FMNL2: variants seen among roughly 807,000 people sequenced by gnomAD.
FMNL2 encodes the protein formin like 2, also known as formin-like protein 2.
FMNL2 carries 51 observed loss-of-function variants against 130.2 expected under a neutral mutation model. The ratio of observed to expected loss-of-function variants is 0.39; its 90% CI spans 0.31 to 0.49. The LOEUF (loss-of-function observed/expected upper bound fraction) is 0.49, where lower values mean the gene tolerates loss of function less well. Among genes scored for constraint, FMNL2 ranks in the 20% least tolerant of loss-of-function variants. FMNL2 has a pLI of 0.85. For missense variants in FMNL2, 977 were observed against 1,316.2 expected (o/e 0.74, Z 3.99); for synonymous variants, 465 against 467.1 (o/e 1.00, Z 0.06).
intron 20 of FMNL2, among the ~76,000 whole-genome samples, chr2:152,631,458 C>A (rs1390074983): frequency 1.3e-5 from 2 of 148,874 alleles, no homozygotes; most frequent in African/African-American, 5.0e-5. Flanking sequence ...ACAAACACTG[C>A]AATAGGCGGC....
At chr2:152,455,032 G>A (rs1688874079) in intron 1 of FMNL2, among the ~76,000 whole-genome samples, 1 of 152,140 alleles carries the variant, frequency 6.6e-6, no homozygotes, top group Non-Finnish European at 1.5e-5. Context: ...CCTGGATGGA[G>A]GAAGAAACTA....
Position 152,648,146 on chromosome 2 carries a change from T to A in FMNL2, c.*241T>A. On this transcript the variant is annotated 3_prime_UTR_variant, in exon 26 of 26. Transcript: ENST00000288670. ...CAATAGGATTTGATTTGATTAGGTA[T>A]CTTTTTACACCAGTATGTTATTTTT... 2.2e-6 allele frequency: 1 copy of A among 464,020 alleles called. No individual in the cohort carries two copies. Among genetic ancestry groups the A allele is most frequent in the Non-Finnish European group, 3.8e-6 (1 of 263,866 alleles). The allele number at this position is 464,020 out of a possible 1,614,324, so 28.7% of individuals were successfully genotyped here. A position where few individuals can be genotyped will look rare whatever the true frequency, so the allele number is the denominator to read the frequency against.
rs191796180 is a variant in FMNL2, at chr2:152,337,740, G to A, written c.117+2020G>A. 1.8e-4 allele frequency among the ~76,000 whole-genome samples: 28 copies of A among 152,272 alleles called. No individual in the cohort carries two copies. The East Asian group carries it at 4.4e-3, about 24-fold the overall frequency. On this transcript the variant is annotated intron_variant, in intron 1 of 25. Coordinates refer to ENST00000288670, the MANE Select transcript of FMNL2 (RefSeq NM_052905.4). ...TACTTTTACACTACTGTGTGTCGCA[G>A]TTACTGGGTGCAATTCCTTTTAAAA...
intron 9 of FMNL2, among the ~76,000 whole-genome samples, chr2:152,593,161 A>C (rs1170809719): frequency 6.6e-6 from 1 of 152,218 alleles, no homozygotes; most frequent in African/African-American, 2.4e-5. Context: ...TCCATGTTAC[A>C]GAACAAAACA....
At chr2:152,526,244 G>A (rs1693380915) in intron 2 of FMNL2, among the ~76,000 whole-genome samples, 1 of 152,170 alleles carries the variant, frequency 6.6e-6, no homozygotes, top group Non-Finnish European at 1.5e-5. Context: ...AATGAGTAGT[G>A]ACAGTGGTGG....
At chr2:152,490,313 G>A (rs1691079262) in intron 1 of FMNL2, among the ~76,000 whole-genome samples, 1 of 152,106 alleles carries the variant, frequency 6.6e-6, no homozygotes, top group Non-Finnish European at 1.5e-5. Flanking sequence ...GGGAAGACAA[G>A]GGAAAAGAAA....
At chr2:152,367,788 G>A (rs572522246) in intron 1 of FMNL2, among the ~76,000 whole-genome samples, 1 of 152,308 alleles carries the variant, frequency 6.6e-6, no homozygotes, top group African/African-American at 2.4e-5. Context: ...AGGGCTTATA[G>A]GATTTGCTCT....
At chr2:152,598,227 T>C (rs1697869064) in intron 9 of FMNL2, among the ~76,000 whole-genome samples, 1 of 152,236 alleles carries the variant, frequency 6.6e-6, no homozygotes, top group African/African-American at 2.4e-5. Context: ...GTCCCTTCCC[T>C]TGCTCAGCTT....
At chr2:152,537,798 A>T (rs1294518863) in intron 2 of FMNL2, among the ~76,000 whole-genome samples, 1 of 152,202 alleles carries the variant, frequency 6.6e-6, no homozygotes, top group South Asian at 2.1e-4. Flanking sequence ...CATGCTTATT[A>T]TAGTGTAGTA....
intron 1 of FMNL2, among the ~76,000 whole-genome samples, chr2:152,350,209 G>A (rs1038623919): frequency 1.3e-5 from 2 of 152,096 alleles, no homozygotes. Flanking sequence ...GCCAGAGTAC[G>A]ATTTGTTTCT....
At chr2:152,435,335 A>G (rs566171487) in intron 1 of FMNL2, among the ~76,000 whole-genome samples, 39 of 152,350 alleles carry the variant, frequency 2.6e-4, no homozygotes, top group African/African-American at 8.9e-4. Flanking sequence ...TCTAAAGGGC[A>G]AATGGGACAG....
intron 11 of FMNL2, 101 bp from the exon 12 acceptor site, chr2:152,614,750 A>C: frequency 7.5e-7 from 1 of 1,337,024 alleles, no homozygotes. Flanking sequence ...CTCAAAACAA[A>C]ACAAAACAAA....
At chr2:152,644,055 C>A in intron 25 of FMNL2, 1 of 249,634 alleles carries the variant, frequency 4.0e-6, no homozygotes, top group Non-Finnish European at 6.4e-6. Flanking sequence ...CATAGGGAAG[C>A]CCCATCTTTA....
chr2:152,561,158 G>A (rs897930899), intron 6 of FMNL2, 123 bp downstream of exon 6: 19 of 980,722 alleles, frequency 1.9e-5, no homozygotes, highest in Non-Finnish European at 2.3e-5. Context: ...CATTTGCAAT[G>A]ACTCTAAATG....
At position 152,618,145 on chromosome 2, in the gene FMNL2, C is replaced by T. The variant is rs564669224; in HGVS notation, c.1315-701C>T. 3.3e-5 allele frequency among the ~76,000 whole-genome samples: 5 copies of T among 152,272 alleles called. No individual in the cohort carries two copies. In the East Asian group the frequency reaches 7.7e-4, roughly 24 times the overall value. On this transcript the variant is annotated intron_variant, in intron 13 of 25. Transcript: ENST00000288670. ...TCACTAGAACCTCTATGGGCCCCCC[C>T]CTTATAAAAGGAACCAGGACAGTCT...
intron 6 of FMNL2, among the ~76,000 whole-genome samples, chr2:152,573,252 T>A (rs1486960070): frequency 6.6e-6 from 1 of 152,216 alleles, no homozygotes; most frequent in Admixed American, 6.5e-5. Context: ...TTCACCATGA[T>A]GAAATAATTA....
chr2:152,631,985 C>T (rs1314467509), intron 20 of FMNL2, 23 bp from the exon 21 acceptor site: 4 of 1,605,446 alleles, frequency 2.5e-6, no homozygotes, highest in Non-Finnish European at 3.4e-6. Context: ...TTGTACCTAA[C>T]CCACGTTCCC....
intron 1 of FMNL2, among the ~76,000 whole-genome samples, chr2:152,365,793 T>G (rs1683492472): frequency 6.6e-6 from 1 of 151,964 alleles, no homozygotes; most frequent in Admixed American, 6.6e-5. Context: ...CAAAGTCTCC[T>G]GCCATAATCA....
chr2:152,335,509 G>A lies in FMNL2; in HGVS notation c.-95G>A, dbSNP rs1681346966. Reference sequence around the variant, plus strand: ...GAGGGCGGGGAGCCGGGCAGGTCGCGCCTGCGGGCGGCAGCCGACCGCCGG... The same window carrying A: ...GAGGGCGGGGAGCCGGGCAGGTCGCACCTGCGGGCGGCAGCCGACCGCCGG... On this transcript the variant is annotated 5_prime_UTR_variant, in exon 1 of 26. Transcript: ENST00000288670. 5.4e-6 allele frequency: 5 copies of A among 926,382 alleles called. No homozygotes were observed. Among genetic ancestry groups the A allele is most frequent in the Non-Finnish European group, 7.7e-6 (5 of 652,828 alleles). 57.4% of individuals were successfully genotyped at this position (926,382 alleles called of 1,614,324 possible). A position where few individuals can be genotyped will look rare whatever the true frequency, so the allele number is the denominator to read the frequency against.
Sources: allele counts gnomAD v4.1 joint callset (sites outside exome capture counted in the v4.1 genomes callset), GRCh38; gene constraint gnomAD v4.1.1; transcripts MANE v1.5; gene names NCBI Gene and HGNC (gene_info 2026-07-23, HGNC 2026-07-21).